LRRTM4: variants seen among roughly 807,000 people sequenced by gnomAD.
The protein encoded by LRRTM4 is leucine rich repeat transmembrane neuronal 4.
A neutral mutation model predicts 47.6 loss-of-function variants in LRRTM4; 25 were observed. That is an observed-to-expected ratio of 0.53 (90% CI 0.38 to 0.73). The LOEUF is 0.73. Among genes scored for constraint, LRRTM4 ranks in the 30% least tolerant of loss-of-function variants. The probability of loss-of-function intolerance (pLI) is 0.00; values close to 1 mark genes in which losing one functional copy is unlikely to be tolerated. For synonymous variants in LRRTM4, 311 were observed against 269.5 expected (o/e 1.15, Z -1.51); for missense variants, 638 against 713.4 (o/e 0.89, Z 1.20).
At chr2:77,029,084 T>A (rs866843280) in intron 3 of LRRTM4, among the ~76,000 whole-genome samples, 2 of 146,266 alleles carry the variant, frequency 1.4e-5, no homozygotes, top group African/African-American at 2.5e-5. Context: ...ATATATATAT[T>A]ATATATATAT....
chr2:77,433,353 C>T (rs2103910266), intron 3 of LRRTM4, among the ~76,000 whole-genome samples: 1 of 152,004 alleles, frequency 6.6e-6, no homozygotes, highest in South Asian at 2.1e-4. Flanking sequence ...TGCAGGGAGG[C>T]TATAATATTA....
chr2:77,520,673 T>C (rs956377889), intron 2 of LRRTM4, among the ~76,000 whole-genome samples: 5 of 152,088 alleles, frequency 3.3e-5, no homozygotes, highest in Non-Finnish European at 7.4e-5. Context: ...TATTTTAGAG[T>C]TGTTTTTGCA....
At chr2:77,070,208 T>C (rs541069787) in intron 3 of LRRTM4, among the ~76,000 whole-genome samples, 1 of 152,138 alleles carries the variant, frequency 6.6e-6, no homozygotes, top group Non-Finnish European at 1.5e-5. Context: ...ACCAAATTCA[T>C]GCTTCTTACA....
At chr2:77,478,688 A>T in intron 3 of LRRTM4, among the ~76,000 whole-genome samples, 1 of 152,198 alleles carries the variant, frequency 6.6e-6, no homozygotes, top group East Asian at 1.9e-4. Context: ...TCAACTAGAT[A>T]AAATGAAGTT....
At chr2:77,224,431 G>T (rs535753629) in intron 3 of LRRTM4, among the ~76,000 whole-genome samples, 1 of 152,230 alleles carries the variant, frequency 6.6e-6, no homozygotes, top group Non-Finnish European at 1.5e-5. Flanking sequence ...GCAACCTACA[G>T]AACGGGAGAA....
chr2:77,061,836 G>T (rs573561454), intron 3 of LRRTM4, among the ~76,000 whole-genome samples: 3 of 152,078 alleles, frequency 2.0e-5, no homozygotes, highest in African/African-American at 7.2e-5. Flanking sequence ...AACCAATCAC[G>T]CTGGATTATC....
At chr2:77,148,386 C>G (rs1453318803) in intron 3 of LRRTM4, among the ~76,000 whole-genome samples, 1 of 152,110 alleles carries the variant, frequency 6.6e-6, no homozygotes, top group African/African-American at 2.4e-5. Flanking sequence ...AACTGCTATA[C>G]TAAGAATGCG....
At chr2:77,351,009 T>C (rs1183402874) in intron 3 of LRRTM4, among the ~76,000 whole-genome samples, 1 of 152,198 alleles carries the variant, frequency 6.6e-6, no homozygotes, top group African/African-American at 2.4e-5. Context: ...AAATATTATT[T>C]TGTCACCTAG....
At position 77,204,096 on chromosome 2, in the gene LRRTM4, T is replaced by C. The variant is rs568641215; in HGVS notation, c.1551+314222A>G. On this transcript the variant is annotated intron_variant, in intron 3 of 3. Transcript: ENST00000409884. ...CAGCATAGGTCACCCTTTGTCTACA[T>C]TGACATGTTACCCATGTTATGAACC... Among the ~76,000 whole-genome samples, 5 of 152,242 alleles carry C rather than the reference T, an allele frequency of 3.3e-5. No homozygotes were observed. In the East Asian group the frequency reaches 7.7e-4, roughly 24 times the overall value.
At chr2:77,004,373 G>A (rs1486007197) in intron 3 of LRRTM4, among the ~76,000 whole-genome samples, 2 of 152,192 alleles carry the variant, frequency 1.3e-5, no homozygotes, top group African/African-American at 4.8e-5. Context: ...AGACCAAAGT[G>A]TATCTTGGGA....
At chr2:76,753,422 G>T (rs533400332) in intron 3 of LRRTM4, among the ~76,000 whole-genome samples, 2 of 152,080 alleles carry the variant, frequency 1.3e-5, no homozygotes, top group African/African-American at 4.8e-5. Flanking sequence ...GCACATGATG[G>T]CTCATAGATT....
At chr2:77,194,985 T>G (rs544932436) in intron 3 of LRRTM4, among the ~76,000 whole-genome samples, 4 of 152,192 alleles carry the variant, frequency 2.6e-5, no homozygotes, top group Admixed American at 2.6e-4. Context: ...TATTGAAATA[T>G]TCATGGTGTT....
Position 77,113,290 on chromosome 2 carries a change from C to A in LRRTM4, c.1552-364374G>T, listed in dbSNP as rs150321279. On this transcript the variant is annotated intron_variant, in intron 3 of 3. Transcript: ENST00000409884. ...ACAGCTTTTGCCAAAAGGTCCCAGT[C>A]TAAAGGAAGCAAAATGACCTCAGTA... Among the ~76,000 whole-genome samples the A allele has an allele frequency of 9.0e-3, 1,370 of 152,138 alleles. 10 individuals carry two copies. Among genetic ancestry groups the A allele is most frequent in the Non-Finnish European group, 0.014 (973 of 68,004 alleles).
At chr2:77,216,056 T>C (rs988695413) in intron 3 of LRRTM4, among the ~76,000 whole-genome samples, 2 of 151,598 alleles carry the variant, frequency 1.3e-5, no homozygotes, top group Admixed American at 6.6e-5. Context: ...TTCTATTTTT[T>C]GTAGAAAAGC....
rs573618200 is a variant in LRRTM4, at chr2:76,817,597, G to A, written c.1552-68681C>T. Among the ~76,000 whole-genome samples the A allele has an allele frequency of 7.9e-5, 12 of 152,086 alleles. No individual in the cohort carries two copies. The East Asian group carries it at 2.3e-3, about 29-fold the overall frequency. On this transcript the variant is annotated intron_variant, in intron 3 of 3. Coordinates refer to ENST00000409884, the MANE Select transcript of LRRTM4 (RefSeq NM_001134745.3). Reference sequence around the variant, plus strand: ...TAGTAAATTGGTGAGATTGCATTCTGTAATTCCATTCTTGGCACCAGAAGT... The same window carrying A: ...TAGTAAATTGGTGAGATTGCATTCTATAATTCCATTCTTGGCACCAGAAGT...
At chr2:76,774,382 G>C (rs1673863805) in intron 3 of LRRTM4, among the ~76,000 whole-genome samples, 1 of 151,896 alleles carries the variant, frequency 6.6e-6, no homozygotes, top group Non-Finnish European at 1.5e-5. Flanking sequence ...AGTAGAGAAG[G>C]GGTTTCACCA....
intron 3 of LRRTM4, among the ~76,000 whole-genome samples, chr2:76,929,613 G>C (rs1161712362): frequency 1.3e-5 from 2 of 152,114 alleles, no homozygotes; most frequent in African/African-American, 4.8e-5. Flanking sequence ...TTTAGAAAAA[G>C]TGAGAGAGTA....
rs987986127 is a variant in LRRTM4 at position 77,076,931 on chromosome 2, G to T, written c.1552-328015C>A. On this transcript the variant is annotated intron_variant, in intron 3 of 3. Coordinates refer to ENST00000409884, the MANE Select transcript of LRRTM4 (RefSeq NM_001134745.3). The stretch of plus-strand genomic sequence containing the variant: ...TAAGAAGCATCCTTTTCTCTCCCCT[G>T]TATTTCCCCTAGCAGTAATGAGGTA... 6.6e-5 allele frequency among the ~76,000 whole-genome samples: 10 copies of T among 152,050 alleles called. No homozygotes were observed. In the South Asian group the frequency reaches 1.2e-3, roughly 19 times the overall value.
intron 3 of LRRTM4, among the ~76,000 whole-genome samples, chr2:77,189,517 T>G (rs1009452376): frequency 2.0e-5 from 3 of 152,108 alleles, no homozygotes; most frequent in African/African-American, 7.2e-5. Flanking sequence ...GGATTAGTGC[T>G]CTTATAAAAG....
Sources: allele counts gnomAD v4.1 joint callset (sites outside exome capture counted in the v4.1 genomes callset), GRCh38; gene constraint gnomAD v4.1.1; transcripts MANE v1.5; gene names NCBI Gene and HGNC (gene_info 2026-07-23, HGNC 2026-07-21).